TOX4: variants seen among roughly 807,000 people sequenced by gnomAD.
The protein encoded by TOX4 is epidermal Langerhans cell protein LCP1.
In TOX4, 12 loss-of-function variants were observed where a neutral mutation model predicts 61.0. That is an observed-to-expected ratio of 0.20 (90% CI 0.13 to 0.32). TOX4 has a LOEUF of 0.32. TOX4 is among the 10% of genes least tolerant of loss of function. The probability of loss-of-function intolerance (pLI) is 1.00; values close to 1 mark genes in which losing one functional copy is unlikely to be tolerated. For synonymous variants in TOX4, 268 were observed against 274.8 expected (o/e 0.98, Z 0.24); for missense variants, 499 against 753.3 (o/e 0.66, Z 3.95).
chr14:21,479,003 G>A (rs1021982752), intron 2 of TOX4, among the ~76,000 whole-genome samples: 4 of 72,080 alleles, frequency 5.5e-5, no homozygotes, highest in Admixed American at 1.4e-4. Flanking sequence ...TTGTAGAGAC[G>A]GGGTTTCACC....
At chr14:21,495,086 C>A in intron 7 of TOX4, 143 bp from the exon 8 acceptor site, 1 of 828,590 alleles carries the variant, frequency 1.2e-6, no homozygotes, top group Non-Finnish European at 1.9e-6. Flanking sequence ...AGACCAAGAA[C>A]TCACCTTCTT....
Position 21,492,285 on chromosome 14 carries a change from C to CTT in TOX4, c.811-6_811-5dup. ...AGTTTTGTTTTTTTTTTTAAAGTCT[C>CTT]TTTTTTGCAGGTATATAAGAGGAAA... On this transcript the variant is annotated splice_polypyrimidine_tract_variant and intron_variant, in intron 5 of 8. Transcript: ENST00000448790. 2 of 1,580,452 alleles carry CTT rather than the reference C, an allele frequency of 1.3e-6. No individual in the cohort carries two copies. Among genetic ancestry groups the CTT allele is most frequent in the Non-Finnish European group, 1.7e-6 (2 of 1,164,214 alleles).
At position 21,498,834 on chromosome 14, in the gene TOX4, A is replaced by G. The variant is rs546953429; in HGVS notation, c.*2228A>G. 9 of 573,756 alleles carry G rather than the reference A, an allele frequency of 1.6e-5. No individual in the cohort carries two copies. The highest frequency in any genetic ancestry group is 2.8e-5 in the Non-Finnish European group (9 of 322,868). The allele number at this position is 573,756 out of a possible 1,614,324, so 35.5% of individuals were successfully genotyped here. On this transcript the variant is annotated 3_prime_UTR_variant, in exon 9 of 9. Coordinates refer to ENST00000448790, the MANE Select transcript of TOX4 (RefSeq NM_014828.4). ...CTAGGGAGCAGTGCTTTTGGGTCCTAGAACCTGTTGAGTTTCTAATGAATA... is the reference window on the plus strand; with the variant it reads ...CTAGGGAGCAGTGCTTTTGGGTCCTGGAACCTGTTGAGTTTCTAATGAATA...
Position 21,493,031 on chromosome 14 carries a change from T to C in TOX4, c.1415T>C (p.Met472Thr). 6.2e-7 allele frequency: 1 copy of C among 1,613,818 alleles called. No individual in the cohort carries two copies. Among genetic ancestry groups the C allele is most frequent in the Non-Finnish European group, 8.5e-7 (1 of 1,179,870 alleles). Reference protein sequence around the residue: ...ILQQPPPLQAMQQPPPQKVRI... With the variant: ...ILQQPPPLQATQQPPPQKVRI... ...CAGCAGCCTCCTCCACTCCAGGCCA[T>C]GCAACAGCCTCCACCTCAGAAAGTT... The change falls in exon 7 of 9, where the codon ATG (methionine) becomes ACG (threonine). Residue 472 changes from methionine to threonine, a missense_variant. By Grantham distance (81) the Met-to-Thr change is moderately conservative (BLOSUM62 -1). Around this residue, in one of 7 missense-constraint regions of TOX4, gnomAD observed 296 missense variants for 404.7 expected, o/e 0.73. Coordinates refer to ENST00000448790, the MANE Select transcript of TOX4 (RefSeq NM_014828.4).
At chr14:21,492,484 A>T (rs1891311925) in intron 6 of TOX4, 24 bp from the exon 7 acceptor site, 1 of 1,611,262 alleles carries the variant, frequency 6.2e-7, no homozygotes, top group Middle Eastern at 1.7e-4. Context: ...ATTAATTGAT[A>T]GATTGATTTA....
rs1055373208 is a variant in TOX4 at position 21,482,415 on chromosome 14, T to C, written c.75+4851T>C. On this transcript the variant is annotated intron_variant, in intron 2 of 8. Coordinates refer to ENST00000448790, the MANE Select transcript of TOX4 (RefSeq NM_014828.4). ...AAATTTCTCTAAAGTGAATGATCTA[T>C]ATAATAAGCTAAAGAAATAATAGAT... is the stretch of plus-strand genomic sequence containing the variant. 1.4e-4 allele frequency: 50 copies of C among 346,006 alleles called. No homozygotes were observed. In the Admixed American group the frequency reaches 1.6e-3, roughly 11 times the overall value. The allele number at this position is 346,006 out of a possible 1,614,324, so 21.4% of individuals were successfully genotyped here.
In TOX4 at chr14:21,498,946, A is replaced by T. The variant is rs908586148; in HGVS notation, c.*2340A>T. Reference sequence around the variant, plus strand: ...CTCATTTATGGACTAGTGTAAAACAATGTGAAGCTCTACTAAGTTCTGTCC... The same window carrying T: ...CTCATTTATGGACTAGTGTAAAACATTGTGAAGCTCTACTAAGTTCTGTCC... On this transcript the variant is annotated 3_prime_UTR_variant, in exon 9 of 9. Transcript: ENST00000448790. 1.2e-5 allele frequency: 12 copies of T among 963,196 alleles called. No individual in the cohort carries two copies. The highest frequency in any genetic ancestry group is 1.8e-5 in the Non-Finnish European group (11 of 599,026). The allele number at this position is 963,196 out of a possible 1,614,324, so 59.7% of individuals were successfully genotyped here. A position where few individuals can be genotyped will look rare whatever the true frequency, so the allele number is the denominator to read the frequency against.
intron 3 of TOX4, 85 bp downstream of exon 3, chr14:21,487,778 T>C: frequency 7.0e-7 from 1 of 1,434,622 alleles, no homozygotes; most frequent in South Asian, 1.6e-5. Context: ...CCTGCTACAC[T>C]TGGGTATTAC....
intron 2 of TOX4, among the ~76,000 whole-genome samples, chr14:21,480,620 C>G (rs1891091323): frequency 6.6e-6 from 1 of 151,904 alleles, no homozygotes; most frequent in Admixed American, 6.6e-5. Context: ...AAGTTCTAAC[C>G]ATTAAAAAAA....
intron 2 of TOX4, among the ~76,000 whole-genome samples, chr14:21,477,886 A>C (rs1891029287): frequency 6.6e-6 from 1 of 152,158 alleles, no homozygotes; most frequent in South Asian, 2.1e-4. Context: ...ATCGCAGTGG[A>C]AAGAAAATGT....
In TOX4 at chr14:21,491,737, C is replaced by T. The variant is rs1363551070; in HGVS notation, c.811-559C>T. 2.0e-5 allele frequency among the ~76,000 whole-genome samples: 3 copies of T among 150,198 alleles called. 1 individual carries two copies. Among genetic ancestry groups the T allele is most frequent in the East Asian group, 4.1e-4 (2 of 4,900 alleles). On this transcript the variant is annotated intron_variant, in intron 5 of 8. Coordinates refer to ENST00000448790, the MANE Select transcript of TOX4 (RefSeq NM_014828.4). ...TTAAATGTAGCTATTCTCGGCCAGG[C>T]GTGGTGGCTCACGCCTGTAATCCCA...
At chr14:21,479,504 C>T (rs767566850) in intron 2 of TOX4, among the ~76,000 whole-genome samples, 1 of 151,698 alleles carries the variant, frequency 6.6e-6, no homozygotes, top group Non-Finnish European at 1.5e-5. Context: ...AAAAATTAGC[C>T]GGGTGTGGTG....
intron 2 of TOX4, among the ~76,000 whole-genome samples, chr14:21,480,949 G>GT (rs1395947558): frequency 6.6e-6 from 1 of 152,056 alleles, no homozygotes; most frequent in East Asian, 1.9e-4. Flanking sequence ...AATTAGCCGG[G>GT]TGTGGCAGCG....
intron 4 of TOX4, 147 bp from the exon 5 acceptor site, chr14:21,489,026 T>G: frequency 3.3e-6 from 4 of 1,206,596 alleles, no homozygotes; most frequent in South Asian, 3.1e-5. Context: ...ATCCCTATTC[T>G]TATTGGTTCT....
intron 2 of TOX4, among the ~76,000 whole-genome samples, chr14:21,477,853 A>G (rs1346820971): frequency 6.6e-6 from 1 of 152,214 alleles, no homozygotes; most frequent in Non-Finnish European, 1.5e-5. Context: ...TCTGGGGAGA[A>G]ATAGCTACAG....
intron 5 of TOX4, 48 bp from the exon 6 acceptor site, chr14:21,492,248 A>G: frequency 6.6e-7 from 1 of 1,506,738 alleles, no homozygotes; most frequent in Non-Finnish European, 9.1e-7. Flanking sequence ...AGTCTTTCCT[A>G]AGAGTATGGG....
Position 21,498,870 on chromosome 14 carries a change from C to A in TOX4, c.*2264C>A. Reference sequence around the variant, plus strand: ...AGTTTCTAATGAATATTTGTAGAATCTCATAAAACAGTTTAAATACAAGCT... The same window carrying A: ...AGTTTCTAATGAATATTTGTAGAATATCATAAAACAGTTTAAATACAAGCT... On this transcript the variant is annotated 3_prime_UTR_variant, in exon 9 of 9. Coordinates refer to ENST00000448790, the MANE Select transcript of TOX4 (RefSeq NM_014828.4). 1 of 607,858 alleles carries A rather than the reference C, an allele frequency of 1.6e-6. No individual in the cohort carries two copies. Among genetic ancestry groups the A allele is most frequent in the Admixed American group, 2.9e-5 (1 of 33,948 alleles). 37.7% of individuals were successfully genotyped at this position (607,858 alleles called of 1,614,324 possible).
rs1891460878 is a variant in TOX4 at position 21,498,362 on chromosome 14, G to A, written c.*1756G>A. The A allele has an allele frequency of 7.4e-6, 12 of 1,613,994 alleles. No individual in the cohort carries two copies. Among genetic ancestry groups the A allele is most frequent in the Non-Finnish European group, 1.0e-5 (12 of 1,180,012 alleles). The stretch of plus-strand genomic sequence containing the variant: ...TGGATCCCATCCAGTTGGTTTCCAA[G>A]GGTGATCCTGAAACAGTGTAAAAGG... On this transcript the variant is annotated 3_prime_UTR_variant, in exon 9 of 9. Transcript: ENST00000448790.
In TOX4 at chr14:21,498,650, A is replaced by G; in HGVS notation, c.*2044A>G. 1 of 505,380 alleles carries G rather than the reference A, an allele frequency of 2.0e-6. No individual in the cohort carries two copies. Among genetic ancestry groups the G allele is most frequent in the Non-Finnish European group, 3.5e-6 (1 of 284,816 alleles). 31.3% of individuals were successfully genotyped at this position (505,380 alleles called of 1,614,324 possible). ...TGCTACCAGGGAGTATTCTTTGGAT[A>G]AGCAAAATGCTAGCAGCATGTGTTT... On this transcript the variant is annotated 3_prime_UTR_variant, in exon 9 of 9. Transcript: ENST00000448790.
Sources: allele counts gnomAD v4.1 joint callset (sites outside exome capture counted in the v4.1 genomes callset), GRCh38; gene constraint gnomAD v4.1.1; regional missense constraint gnomAD v4.1.1; transcripts MANE v1.5; gene names NCBI Gene and HGNC (gene_info 2026-07-23, HGNC 2026-07-21).